CCDC73: variants seen among roughly 807,000 people sequenced by gnomAD.
The protein encoded by CCDC73 is coiled-coil domain-containing protein 73.
CCDC73 carries 95 observed loss-of-function variants against 116.5 expected under a neutral mutation model. The observed-to-expected ratio is 0.82, with a 90% confidence interval of 0.69 to 0.97. The LOEUF is 0.97. Ranked by LOEUF, CCDC73 falls within the 50% of genes least tolerant of loss-of-function variation. The pLI is 0.00. For synonymous variants in CCDC73, 398 were observed against 401.3 expected (o/e 0.99, Z 0.10); for missense variants, 1,066 against 1,206.8 (o/e 0.88, Z 1.73).
chr11:32,675,582 T>C lies in CCDC73; in HGVS notation c.628A>G (p.Ile210Val). Residue 210 changes from isoleucine (I) to valine (V), a missense_variant, in exon 9 of 18, where the codon ATA becomes GTA. Transcript: ENST00000335185. ...AATCATACCTTCTTTAAACTGCATA[T>C]TTCAGCTTCTTGTTTTTTATTTAAA... ...SALNKKQEAE[I>V]CSLKKELKKA... is the part of the protein sequence containing the mutation. 6.3e-7 allele frequency: 1 copy of C among 1,582,356 alleles called. No individual in the cohort carries two copies. Among genetic ancestry groups the C allele is most frequent in the Non-Finnish European group, 8.6e-7 (1 of 1,165,242 alleles).
At chr11:32,717,934 C>T in intron 3 of CCDC73, 142 bp downstream of exon 3, 1 of 560,236 alleles carries the variant, frequency 1.8e-6, no homozygotes, top group South Asian at 2.5e-5. Flanking sequence ...CTCATGAGAA[C>T]TATCAGGAGA....
At chr11:32,736,573 CT>C (rs1850131023) in intron 2 of CCDC73, among the ~76,000 whole-genome samples, 1 of 151,880 alleles carries the variant, frequency 6.6e-6, no homozygotes, top group African/African-American at 2.4e-5. Flanking sequence ...GGACGGTAAA[CT>C]AGTTCAACCA....
chr11:32,759,943 T>C (rs1025084782), intron 2 of CCDC73, among the ~76,000 whole-genome samples, 166 bp downstream of exon 2: 1 of 152,200 alleles, frequency 6.6e-6, no homozygotes, highest in African/African-American at 2.4e-5. Context: ...TCCCATTCCC[T>C]GATCATTTAC....
intron 9 of CCDC73, among the ~76,000 whole-genome samples, chr11:32,668,980 T>C (rs772900911): frequency 2.6e-5 from 4 of 152,186 alleles, no homozygotes; most frequent in Non-Finnish European, 4.4e-5. Context: ...TAATAAATAA[T>C]TATTCAAGTC....
chr11:32,736,701 C>T (rs1201086744), intron 2 of CCDC73, among the ~76,000 whole-genome samples: 2 of 151,788 alleles, frequency 1.3e-5, no homozygotes, highest in African/African-American at 2.4e-5. Flanking sequence ...GCTGTAAAGA[C>T]ACATGCACAC....
the CCDC73 span, among the ~76,000 whole-genome samples, chr11:32,809,392 AAG>A: frequency 1.3e-5 from 2 of 152,200 alleles, no homozygotes; most frequent in Admixed American, 6.5e-5. Context: ...ATAATAGAGG[AAG>A]AGTCTGGTTA....
At chr11:32,713,440 T>TA (rs992312083) in intron 3 of CCDC73, among the ~76,000 whole-genome samples, 1 of 152,110 alleles carries the variant, frequency 6.6e-6, no homozygotes, top group Non-Finnish European at 1.5e-5. Flanking sequence ...TTAAGTGTTC[T>TA]AATGCTTCCT....
At chr11:32,704,828 A>G (rs1330625149) in intron 3 of CCDC73, among the ~76,000 whole-genome samples, 1 of 150,058 alleles carries the variant, frequency 6.7e-6, no homozygotes, top group African/African-American at 2.5e-5. Context: ...CCAGACTCAG[A>G]CACTCATCTG....
intron 7 of CCDC73, 67 bp from the exon 8 acceptor site, chr11:32,676,088 TGTAAA>T: frequency 7.7e-7 from 1 of 1,305,800 alleles, no homozygotes; most frequent in Non-Finnish European, 1.0e-6. Flanking sequence ...ACAACAAATA[TGTAAA>T]ATATATTGTG....
At chr11:32,713,427 A>C (rs1002800330) in intron 3 of CCDC73, among the ~76,000 whole-genome samples, 1 of 152,070 alleles carries the variant, frequency 6.6e-6, no homozygotes, top group Non-Finnish European at 1.5e-5. Flanking sequence ...GTAGTCAACC[A>C]TTTTAAGTGT....
At chr11:32,813,106 G>A in the CCDC73 span, among the ~76,000 whole-genome samples, 1 of 151,558 alleles carries the variant, frequency 6.6e-6, no homozygotes, top group Non-Finnish European at 1.5e-5. Flanking sequence ...GAATATCTTT[G>A]TTTGCCAATT....
chr11:32,652,790 C>T (rs773089894), intron 12 of CCDC73, among the ~76,000 whole-genome samples: 2 of 152,080 alleles, frequency 1.3e-5, no homozygotes, highest in Non-Finnish European at 2.9e-5. Context: ...TTGACACTTT[C>T]ACCTTTTATT....
At chr11:32,806,349 G>A in the CCDC73 span, among the ~76,000 whole-genome samples, 1 of 152,182 alleles carries the variant, frequency 6.6e-6, no homozygotes, top group African/African-American at 2.4e-5. Flanking sequence ...GCCCAGGCAT[G>A]GTAGCTCACC....
chr11:32,641,058 T>C (rs1268276071), intron 13 of CCDC73, among the ~76,000 whole-genome samples: 1 of 151,634 alleles, frequency 6.6e-6, no homozygotes, highest in African/African-American at 2.4e-5. Flanking sequence ...AACATGTTAG[T>C]TTCAAGTGAA....
At chr11:32,672,192 A>C (rs1482075847) in intron 9 of CCDC73, among the ~76,000 whole-genome samples, 1 of 152,096 alleles carries the variant, frequency 6.6e-6, no homozygotes, top group Non-Finnish European at 1.5e-5. Context: ...AAATACAAAA[A>C]TTAGCTAGGC....
intron 6 of CCDC73, among the ~76,000 whole-genome samples, chr11:32,698,390 C>T (rs1013799689): frequency 4.6e-5 from 7 of 152,070 alleles, no homozygotes; most frequent in African/African-American, 1.7e-4. Context: ...GTGATTGTGT[C>T]TAATTGTTTT....
intron 7 of CCDC73, among the ~76,000 whole-genome samples, chr11:32,676,834 G>A (rs560475987): frequency 4.6e-5 from 7 of 152,278 alleles, no homozygotes; most frequent in Admixed American, 3.9e-4. Flanking sequence ...GTGACAGGGA[G>A]GCAACATATG....
chr11:32,677,472 A>G (rs907858452), intron 7 of CCDC73, among the ~76,000 whole-genome samples: 10 of 152,140 alleles, frequency 6.6e-5, no homozygotes, highest in African/African-American at 2.2e-4. Context: ...AGAGAAGTTC[A>G]GTAGTGATCC....
chr11:32,633,624 G>C (rs1855652172), intron 14 of CCDC73, among the ~76,000 whole-genome samples: 1 of 152,138 alleles, frequency 6.6e-6, no homozygotes, highest in African/African-American at 2.4e-5. Flanking sequence ...TCTTCTAATA[G>C]AGTCACATAA....
Sources: allele counts gnomAD v4.1 joint callset (sites outside exome capture counted in the v4.1 genomes callset), GRCh38; gene constraint gnomAD v4.1.1; transcripts MANE v1.5; gene names NCBI Gene and HGNC (gene_info 2026-07-23, HGNC 2026-07-21).